Variants in TRABD2A observed in about 807,000 individuals in gnomAD.
TRABD2A encodes the protein metalloprotease TIKI1.
A neutral mutation model predicts 45.6 loss-of-function variants in TRABD2A; 43 were observed. The ratio of observed to expected loss-of-function variants is 0.94; its 90% confidence interval spans 0.74 to 1.22. The LOEUF (loss-of-function observed/expected upper bound fraction) is 1.22, where lower values mean the gene tolerates loss of function less well. Among genes scored for constraint, TRABD2A ranks in the 50% most tolerant of loss-of-function variants. The probability of loss-of-function intolerance (pLI) is 0.00; values close to 1 mark genes in which losing one functional copy is unlikely to be tolerated. For synonymous variants in TRABD2A, 269 were observed against 265.0 expected (o/e 1.02, Z -0.15); for missense variants, 642 against 652.4 (o/e 0.98, Z 0.17).
chr2:84,838,791 G>T (rs1459163495), intron 4 of TRABD2A, among the ~76,000 whole-genome samples: 1 of 152,220 alleles, frequency 6.6e-6, no homozygotes, highest in African/African-American at 2.4e-5. Context: ...TCATTGTCAG[G>T]TAGAAGAGTA....
chr2:84,824,658 C>T (rs1681103405), intron 5 of TRABD2A, among the ~76,000 whole-genome samples: 2 of 149,092 alleles, frequency 1.3e-5, no homozygotes, highest in South Asian at 4.2e-4. Flanking sequence ...TCAAGTGATT[C>T]TCCCACCTCA....
At chr2:84,844,187 C>T (rs1462258712) in intron 2 of TRABD2A, among the ~76,000 whole-genome samples, 2 of 152,160 alleles carry the variant, frequency 1.3e-5, no homozygotes, top group Non-Finnish European at 2.9e-5. Context: ...GCTGTGTTCC[C>T]ACCCAAATCT....
intron 3 of TRABD2A, among the ~76,000 whole-genome samples, chr2:84,840,260 C>T (rs186955399): frequency 6.6e-6 from 1 of 152,124 alleles, no homozygotes; most frequent in South Asian, 2.1e-4. Context: ...AAATCGACAG[C>T]CTTCATCTTC....
intron 5 of TRABD2A, among the ~76,000 whole-genome samples, chr2:84,831,728 T>A (rs1292884765): frequency 6.6e-6 from 1 of 152,098 alleles, no homozygotes; most frequent in Non-Finnish European, 1.5e-5. Context: ...ACACTGGGCA[T>A]TAAGCCTAAT....
At position 84,870,178 on chromosome 2, in the gene TRABD2A, C is replaced by A. The variant is rs147272963; in HGVS notation, c.669+47G>T. 135 of 1,531,346 alleles carry A rather than the reference C, an allele frequency of 8.8e-5. No individual in the cohort carries two copies. The African/African-American group carries it at 1.2e-3, about 14-fold the overall frequency. 94.9% of individuals were successfully genotyped at this position (1,531,346 alleles called of 1,614,324 possible). ...CTGCCCTGAAACTCAACAGATTCAC[C>A]CATACAACCAAATGCCACTAAGTCT... On this transcript the variant is annotated intron_variant, in intron 2 of 6. Coordinates refer to ENST00000409520, the MANE Select transcript of TRABD2A (RefSeq NM_001277053.2).
intron 2 of TRABD2A, among the ~76,000 whole-genome samples, chr2:84,856,853 G>C (rs761837439): frequency 6.6e-6 from 1 of 152,154 alleles, no homozygotes; most frequent in Non-Finnish European, 1.5e-5. Flanking sequence ...CCCGCCAAAG[G>C]TCATGTTGAA....
chr2:84,875,704 T>G (rs1449007041), intron 1 of TRABD2A, among the ~76,000 whole-genome samples: 2 of 152,136 alleles, frequency 1.3e-5, no homozygotes, highest in Non-Finnish European at 2.9e-5. Context: ...AAATTCCAGA[T>G]GTAGTCTAGA....
At position 84,822,082 on chromosome 2, in the gene TRABD2A, G is replaced by A; in HGVS notation, c.1353C>T (p.Leu451=). 1 of 1,579,434 alleles carries A rather than the reference G, an allele frequency of 6.3e-7. No individual in the cohort carries two copies. Among genetic ancestry groups the A allele is most frequent in the Non-Finnish European group, 8.6e-7 (1 of 1,162,344 alleles). The change falls in exon 7 of 7, where the codon CTC becomes CTT. Residue 451 remains leucine (L), a synonymous_variant. Coordinates refer to ENST00000409520, the MANE Select transcript of TRABD2A (RefSeq NM_001277053.2). ...RLEESDIVPQ[L]QVPVLDRHIS... ...TGTGCCTGTCCAGGACAGGGACCTGGAGTTGCGGGACTATGTCACTAGGAG... is the reference window on the plus strand; with the variant it reads ...TGTGCCTGTCCAGGACAGGGACCTGAAGTTGCGGGACTATGTCACTAGGAG...
At chr2:84,829,899 C>T (rs1248955328) in intron 5 of TRABD2A, among the ~76,000 whole-genome samples, 8 of 150,412 alleles carry the variant, frequency 5.3e-5, no homozygotes, top group Admixed American at 1.3e-4. Context: ...ATACACCCCA[C>T]ACATATTCCA....
intron 2 of TRABD2A, among the ~76,000 whole-genome samples, chr2:84,867,691 C>A (rs560805790): frequency 8.5e-5 from 13 of 152,288 alleles, no homozygotes; most frequent in African/African-American, 2.6e-4. Context: ...ACTTATCTGA[C>A]AAAGGGCTAA....
chr2:84,844,246 C>G (rs1272994026), intron 2 of TRABD2A, among the ~76,000 whole-genome samples: 1 of 152,170 alleles, frequency 6.6e-6, no homozygotes, highest in East Asian at 1.9e-4. Context: ...GAGAGGGACC[C>G]AGTGGGAGGT....
intron 2 of TRABD2A, among the ~76,000 whole-genome samples, chr2:84,846,984 A>C (rs893093185): frequency 2.0e-5 from 3 of 152,216 alleles, no homozygotes; most frequent in Middle Eastern, 3.2e-3. Context: ...CAGACCTAGT[A>C]GTCCATGCCT....
At chr2:84,834,860 A>G (rs754818231) in intron 4 of TRABD2A, 1 of 152,186 alleles carries the variant, frequency 6.6e-6, no homozygotes, top group Non-Finnish European at 1.5e-5. Flanking sequence ...TCTGTGTACA[A>G]ATTTTCGTGT....
intron 2 of TRABD2A, among the ~76,000 whole-genome samples, chr2:84,855,649 C>G (rs926515501): frequency 2.0e-5 from 3 of 152,214 alleles, no homozygotes; most frequent in South Asian, 2.1e-4. Context: ...CCCACGTCCC[C>G]CTTTCCACTC....
chr2:84,849,865 A>T (rs945300075), intron 2 of TRABD2A, among the ~76,000 whole-genome samples: 2 of 152,150 alleles, frequency 1.3e-5, no homozygotes, highest in Non-Finnish European at 1.5e-5. Flanking sequence ...GCCAGAAGGG[A>T]TGTGGGCTGT....
chr2:84,868,476 CA>C (rs1170019589), intron 2 of TRABD2A, among the ~76,000 whole-genome samples: 2 of 149,932 alleles, frequency 1.3e-5, no homozygotes, highest in African/African-American at 5.1e-5. Context: ...TATCCTCCCC[CA>C]TTAACTAATG....
At chr2:84,832,224 C>G (rs1681363851) in intron 4 of TRABD2A, 79 bp from the exon 5 acceptor site, 2 of 1,444,884 alleles carry the variant, frequency 1.4e-6, no homozygotes, top group Admixed American at 3.4e-5. Context: ...ACCCTAGAAC[C>G]AAGAAATTAC....
Position 84,852,407 on chromosome 2 carries a change from G to A in TRABD2A, c.670-10400C>T, listed in dbSNP as rs550877616. Among the ~76,000 whole-genome samples the A allele has an allele frequency of 1.1e-4, 17 of 152,150 alleles. No homozygotes were observed. The Middle Eastern group carries it at 0.014, about 123-fold the overall frequency. On this transcript the variant is annotated intron_variant, in intron 2 of 6. Transcript: ENST00000409520. ...GTTGCCAGAATGACCATGGGGTTAC[G>A]GGAGGAATGCCAGCATGACCATGGG...
At chr2:84,825,594 CT>C (rs1681123483) in intron 5 of TRABD2A, among the ~76,000 whole-genome samples, 1 of 152,168 alleles carries the variant, frequency 6.6e-6, no homozygotes, top group Non-Finnish European at 1.5e-5. Context: ...TAAATGAACC[CT>C]TTCATTGTTA....
Sources: gnomAD v4.1 joint callset for allele counts (sites outside exome capture counted in the v4.1 genomes callset) on GRCh38, gnomAD v4.1.1 for gene constraint, MANE v1.5 for transcripts, NCBI Gene and HGNC (gene_info 2026-07-23, HGNC 2026-07-21) for gene names.